The following NIBAN2 variants were observed in gnomAD, a reference collection of about 807,000 sequenced individuals.
NIBAN2 encodes the protein niban apoptosis regulator 2.
Under a neutral mutation model 81.8 loss-of-function variants are expected in NIBAN2, and 36 were observed. That is an observed-to-expected ratio of 0.44 (90% CI 0.34 to 0.58). NIBAN2 has a LOEUF of 0.58. Among genes scored for constraint, NIBAN2 ranks in the 20% least tolerant of loss-of-function variants. The pLI, the probability that NIBAN2 is intolerant of heterozygous loss-of-function variation, is 0.02. For synonymous variants in NIBAN2, 445 were observed against 441.6 expected, an observed-to-expected ratio of 1.01 and a Z score of -0.10; for missense variants, 897 against 1,014.1, an observed-to-expected ratio of 0.88 and a Z score of 1.57.
intron 2 of NIBAN2, among the ~76,000 whole-genome samples, chr9:127,528,571 TCTTCAAGGGGAAA>T (rs1189769021): frequency 6.6e-6 from 1 of 151,836 alleles, no homozygotes; most frequent in Admixed American, 6.6e-5. Context: ...TCCCTGCTGC[TCTTCAAGGGGAAA>T]CACAAAACAC....
At chr9:127,528,735 T>C (rs1225956008) in intron 2 of NIBAN2, among the ~76,000 whole-genome samples, 3 of 152,170 alleles carry the variant, frequency 2.0e-5, no homozygotes, top group Non-Finnish European at 4.4e-5. Flanking sequence ...GTCACAGAGC[T>C]GCCCTCAGCC....
In NIBAN2 at chr9:127,507,587, C is replaced by T. The variant is rs570413120; in HGVS notation, c.1655-156G>A. Among the ~76,000 whole-genome samples the T allele has an allele frequency of 1.7e-4, 26 of 152,310 alleles. 1 individual carries two copies. In the South Asian group the frequency reaches 2.1e-3, roughly 12 times the overall value. ...GCCTCGTTGCTGAAAGCAGCAAGGC[C>T]GTGATGCTATCTCCAGGCCCAGGCT... On this transcript the variant is annotated intron_variant, in intron 13 of 13. Transcript: ENST00000373312. The surrounding 1 kb of genome is among the most constrained non-coding windows in gnomAD (Gnocchi z 6.8).
rs548338960 is a variant in NIBAN2, at chr9:127,517,671, G to A, written c.705+155C>T. Among the ~76,000 whole-genome samples, 7 of 152,190 alleles carry A rather than the reference G, an allele frequency of 4.6e-5. No individual in the cohort carries two copies. The highest frequency in any genetic ancestry group is 4.1e-4 in the South Asian group (2 of 4,826). On this transcript the variant is annotated intron_variant, in intron 6 of 13. Coordinates refer to ENST00000373312, the MANE Select transcript of NIBAN2 (RefSeq NM_022833.4). The surrounding 1 kb of genome is among the most constrained non-coding windows in gnomAD (Gnocchi z 4.0). Reference sequence around the variant, plus strand: ...TGAATAAGACAGCGAGTATCTCCACGTGCACTGGCCCTGCACTTGTCCAAA... The same window carrying A: ...TGAATAAGACAGCGAGTATCTCCACATGCACTGGCCCTGCACTTGTCCAAA...
At chr9:127,519,106 C>T (rs1302618138) in intron 5 of NIBAN2, among the ~76,000 whole-genome samples, 1 of 137,626 alleles carries the variant, frequency 7.3e-6, no homozygotes, top group Non-Finnish European at 1.5e-5. Context: ...ACCCAGGAGG[C>T]AGAGGTTGCA....
intron 1 of NIBAN2, among the ~76,000 whole-genome samples, chr9:127,549,344 T>A (rs1324166129): frequency 1.3e-5 from 2 of 150,696 alleles, no homozygotes; most frequent in Middle Eastern, 3.2e-3. Context: ...ACACTCACAC[T>A]CACATGCATG....
Position 127,506,731 on chromosome 9 carries a change from C to A in NIBAN2, c.*114G>T. The stretch of plus-strand genomic sequence containing the variant: ...CGCTCCCTGGCGGTGCCACACAGCC[C>A]TGCCCCGCCTCCACCCACAAGGCAC... On this transcript the variant is annotated 3_prime_UTR_variant, in exon 14 of 14. Transcript: ENST00000373312. 1 of 970,372 alleles carries A rather than the reference C, an allele frequency of 1.0e-6. No individual in the cohort carries two copies. Among genetic ancestry groups the A allele is most frequent in the Non-Finnish European group, 1.5e-6 (1 of 675,738 alleles). The allele number at this position is 970,372 out of a possible 1,614,324, so 60.1% of individuals were successfully genotyped here.
Position 127,523,597 on chromosome 9 carries a change from T to A in NIBAN2, c.589+82A>T, listed in dbSNP as rs1837002158. ...GTAGAGCAGGGTTGCCACACCATAGTCAGCCACTAGGTGTCACCATTCAGC... is the reference window on the plus strand; with the variant it reads ...GTAGAGCAGGGTTGCCACACCATAGACAGCCACTAGGTGTCACCATTCAGC... On this transcript the variant is annotated intron_variant, in intron 5 of 13. Transcript: ENST00000373312. 14 of 1,435,410 alleles carry A rather than the reference T, an allele frequency of 9.8e-6. No individual in the cohort carries two copies. In the South Asian group the frequency reaches 1.6e-4, roughly 17 times the overall value. The allele number at this position is 1,435,410 out of a possible 1,614,324, so 88.9% of individuals were successfully genotyped here. A position where few individuals can be genotyped will look rare whatever the true frequency, so the allele number is the denominator to read the frequency against.
rs749929071 is a variant in NIBAN2 at position 127,517,364 on chromosome 9, T to C, written c.706-148A>G. The C allele has an allele frequency of 3.0e-6, 2 of 665,348 alleles. No individual in the cohort carries two copies. The highest frequency in any genetic ancestry group is 5.2e-6 in the Non-Finnish European group (2 of 386,412). 41.2% of individuals were successfully genotyped at this position (665,348 alleles called of 1,614,324 possible). A position where few individuals can be genotyped will look rare whatever the true frequency, so the allele number is the denominator to read the frequency against. On this transcript the variant is annotated intron_variant, in intron 6 of 13. Coordinates refer to ENST00000373312, the MANE Select transcript of NIBAN2 (RefSeq NM_022833.4). The surrounding 1 kb of genome is among the most constrained non-coding windows in gnomAD (Gnocchi z 4.0). ...TCACCCTCCCTGCTGCCCTCTCTCC[T>C]GAGCTCCATTCCCACAGGTCCCAAC...
chr9:127,520,925 T>C (rs924188043), intron 5 of NIBAN2, among the ~76,000 whole-genome samples: 4 of 152,048 alleles, frequency 2.6e-5, no homozygotes, highest in African/African-American at 9.7e-5. Context: ...AAAAGTACAT[T>C]TCTTCTTGAA....
chr9:127,523,997 G>T, intron 4 of NIBAN2, 151 bp from the exon 5 acceptor site: 1 of 768,360 alleles, frequency 1.3e-6, no homozygotes, highest in South Asian at 1.8e-5. Flanking sequence ...AGCCGGCGGG[G>T]GTGGGAGCAG....
chr9:127,520,400 G>A (rs1238951663), intron 5 of NIBAN2, among the ~76,000 whole-genome samples: 1 of 151,986 alleles, frequency 6.6e-6, no homozygotes, highest in Non-Finnish European at 1.5e-5. Flanking sequence ...ACCATGTCCA[G>A]CTAATTTTTG....
chr9:127,555,469 C>G (rs564286242), intron 1 of NIBAN2, among the ~76,000 whole-genome samples: 1 of 152,262 alleles, frequency 6.6e-6, no homozygotes, highest in African/African-American at 2.4e-5. Context: ...GAAGCCAGCC[C>G]GCCCACCCAG....
chr9:127,572,432 G>GA (rs1387011582), upstream of NIBAN2, among the ~76,000 whole-genome samples: 1 of 152,158 alleles, frequency 6.6e-6, no homozygotes, highest in Non-Finnish European at 1.5e-5. Flanking sequence ...ATAGTCTTAT[G>GA]AAAAAATACA....
rs777094883 is a variant in NIBAN2, at chr9:127,507,949, G to A, written c.1572C>T (p.Phe524=). ...CCAGGATGAACCTGGCAAAGTCCTC[G>A]AAGATCAGCTCCTGGAACCGGGGCA... is the stretch of plus-strand genomic sequence containing the variant. ...SELPRFQELI[F]EDFARFILVE... The change falls in exon 13 of 14, where the codon TTC becomes TTT. Residue 524 remains phenylalanine, a synonymous_variant. Coordinates refer to ENST00000373312, the MANE Select transcript of NIBAN2 (RefSeq NM_022833.4). This position sits in a 1 kb window ranked among gnomAD's most constrained non-coding sequence, Gnocchi z 6.8. 1.5e-5 allele frequency: 24 copies of A among 1,613,996 alleles called. No individual in the cohort carries two copies. The highest frequency in any genetic ancestry group is 1.6e-4 in the Middle Eastern group (1 of 6,084).
chr9:127,540,913 G>T (rs1201614056), intron 1 of NIBAN2, among the ~76,000 whole-genome samples: 6 of 152,246 alleles, frequency 3.9e-5, no homozygotes, highest in African/African-American at 7.2e-5. Context: ...GGGCTGAGAG[G>T]TTTGCCGACT....
chr9:127,554,303 A>G (rs1837627292), intron 1 of NIBAN2, among the ~76,000 whole-genome samples: 1 of 152,080 alleles, frequency 6.6e-6, no homozygotes, highest in African/African-American at 2.4e-5. Flanking sequence ...ATGCCAGGCC[A>G]TGCCCTCCAC....
At chr9:127,562,072 G>A (rs1390336674) in intron 1 of NIBAN2, among the ~76,000 whole-genome samples, 8 of 152,160 alleles carry the variant, frequency 5.3e-5, no homozygotes, top group Admixed American at 5.2e-4. Flanking sequence ...GCGCAGGGAC[G>A]GAGAATGGGG....
intron 1 of NIBAN2, among the ~76,000 whole-genome samples, chr9:127,560,729 A>G (rs995890703): frequency 6.6e-6 from 1 of 152,340 alleles, no homozygotes; most frequent in Admixed American, 6.5e-5. Context: ...AAGGTGTTCA[A>G]TAACTATTGA....
chr9:127,578,930 C>G (rs1838041915), exon 1 of NIBAN2: 2 of 1,611,042 alleles, frequency 1.2e-6, no homozygotes, highest in African/African-American at 2.7e-5. Context: ...ACCTCCCATC[C>G]ACCCCATCCT....
Sources: allele counts gnomAD v4.1 joint callset (sites outside exome capture counted in the v4.1 genomes callset), GRCh38; gene constraint gnomAD v4.1.1; non-coding constraint Gnocchi (gnomAD v3.1); transcripts MANE v1.5; gene names NCBI Gene and HGNC (gene_info 2026-07-23, HGNC 2026-07-21).